Variants in KLF12 observed in about 807,000 individuals in gnomAD.
KLF12 encodes KLF transcription factor 12, also known as Krueppel-like factor 12.
A neutral mutation model predicts 37.8 loss-of-function variants in KLF12; 9 were observed. That is an observed-to-expected ratio of 0.24 (90% CI 0.14 to 0.42). The LOEUF is 0.42. Ranked by LOEUF, KLF12 falls within the 10% of genes least tolerant of loss-of-function variation. The pLI is 1.00. For missense variants in KLF12, 411 were observed against 516.0 expected (o/e 0.80, Z 1.97); for synonymous variants, 208 against 202.1 (o/e 1.03, Z -0.25).
At chr13:74,133,055 C>T (rs541888055) in intron 1 of KLF12, among the ~76,000 whole-genome samples, 75 of 152,268 alleles carry the variant, frequency 4.9e-4, no homozygotes, top group Non-Finnish European at 2.9e-5. Context: ...CCAGGTCCCC[C>T]GTAATTGAAA....
chr13:73,880,905 T>G (rs1446747556), intron 3 of KLF12, among the ~76,000 whole-genome samples: 1 of 152,218 alleles, frequency 6.6e-6, no homozygotes, highest in Admixed American at 6.5e-5. Context: ...CTAGACAATG[T>G]TATTAGCAAA....
At chr13:74,051,899 A>G (rs946387852) in intron 1 of KLF12, among the ~76,000 whole-genome samples, 4 of 152,210 alleles carry the variant, frequency 2.6e-5, no homozygotes, top group Non-Finnish European at 2.9e-5. Flanking sequence ...TGTTCTCCAC[A>G]AAGAAATTAT....
chr13:73,876,484 A>G (rs956032592), intron 3 of KLF12, among the ~76,000 whole-genome samples: 1 of 152,218 alleles, frequency 6.6e-6, no homozygotes, highest in African/African-American at 2.4e-5. Flanking sequence ...CTAATCACAG[A>G]AGTAAAATCC....
At chr13:73,955,616 G>T (rs1890807817) in intron 2 of KLF12, among the ~76,000 whole-genome samples, 1 of 152,156 alleles carries the variant, frequency 6.6e-6, no homozygotes, top group South Asian at 2.1e-4. Context: ...TTCTATATTT[G>T]ACATAGTGCT....
At chr13:74,227,605 T>C in the KLF12 span, among the ~76,000 whole-genome samples, 1 of 152,136 alleles carries the variant, frequency 6.6e-6, no homozygotes, top group Non-Finnish European at 1.5e-5. Flanking sequence ...TTTAACTCTT[T>C]TACCTCCATA....
At chr13:74,176,360 C>T in the KLF12 span, among the ~76,000 whole-genome samples, 2 of 152,142 alleles carry the variant, frequency 1.3e-5, no homozygotes, top group African/African-American at 2.4e-5. Context: ...ATTTGACTGA[C>T]ATTCTTTCTC....
intron 1 of KLF12, among the ~76,000 whole-genome samples, chr13:74,107,112 G>A (rs915332260): frequency 9.2e-5 from 14 of 152,106 alleles, no homozygotes; most frequent in Non-Finnish European, 2.1e-4. Context: ...AAGGGATGTG[G>A]GGGGCTAGGG....
At chr13:74,047,551 C>G (rs1486326364) in intron 1 of KLF12, among the ~76,000 whole-genome samples, 1 of 151,292 alleles carries the variant, frequency 6.6e-6, no homozygotes, top group Non-Finnish European at 1.5e-5. Flanking sequence ...GAGCCGAGAT[C>G]CAGCCACTGC....
At chr13:73,930,305 TAAA>T (rs1889606264) in intron 3 of KLF12, among the ~76,000 whole-genome samples, 1 of 152,198 alleles carries the variant, frequency 6.6e-6, no homozygotes, top group Non-Finnish European at 1.5e-5. Flanking sequence ...TAAACTCTAT[TAAA>T]TAAACTGGCC....
At chr13:74,058,218 C>T (rs1256211376) in intron 1 of KLF12, among the ~76,000 whole-genome samples, 1 of 151,936 alleles carries the variant, frequency 6.6e-6, no homozygotes, top group East Asian at 1.9e-4. Flanking sequence ...CCACCCGCCT[C>T]GGACTCCCAA....
At chr13:74,045,683 A>G (rs1475341876) in intron 1 of KLF12, among the ~76,000 whole-genome samples, 2 of 151,616 alleles carry the variant, frequency 1.3e-5, no homozygotes, top group Non-Finnish European at 2.9e-5. Context: ...TGGAGTTTGC[A>G]TGTTCTCCCA....
intron 5 of KLF12, among the ~76,000 whole-genome samples, chr13:73,782,212 C>G (rs1229848021): frequency 1.3e-5 from 2 of 152,174 alleles, no homozygotes; most frequent in African/African-American, 4.8e-5. Context: ...CCTCAGGTTT[C>G]CTATCTTCAT....
At position 73,869,695 on chromosome 13, in the gene KLF12, A is replaced by G. The variant is rs1594193273; in HGVS notation, c.124-23322T>C. 3.3e-5 allele frequency among the ~76,000 whole-genome samples: 5 copies of G among 152,194 alleles called. No homozygotes were observed. The South Asian group carries it at 1.0e-3, about 32-fold the overall frequency. On this transcript the variant is annotated intron_variant, in intron 3 of 7. Coordinates refer to ENST00000377669, the MANE Select transcript of KLF12 (RefSeq NM_007249.5). ...TATAACATAGTTCCTGGTAACTTGT[A>G]ATTACTCTTTAATAGTTGTTAAATG...
chr13:73,768,920 C>T (rs980548786), intron 5 of KLF12, among the ~76,000 whole-genome samples: 1 of 43,182 alleles, frequency 2.3e-5, no homozygotes, highest in African/African-American at 6.0e-5. Flanking sequence ...ATATATATTC[C>T]CTCCACCCAG....
rs988070651 is a variant in KLF12, at chr13:73,686,986, C to G, written c.*8504G>C. ...GAGAGATTTATTCAAAAGAACATGA[C>G]GTTAGAATTGACCCCCACACACCAA... On this transcript the variant is annotated 3_prime_UTR_variant, in exon 8 of 8. Transcript: ENST00000377669. 1.3e-5 allele frequency: 2 copies of G among 152,174 alleles called. No individual in the cohort carries two copies. Among genetic ancestry groups the G allele is most frequent in the Non-Finnish European group, 2.9e-5 (2 of 67,964 alleles). 9.4% of individuals were successfully genotyped at this position (152,174 alleles called of 1,614,324 possible).
rs545476214 is a variant in KLF12, at chr13:74,009,326, G to A, written c.-31-14273C>T. Among the ~76,000 whole-genome samples the A allele has an allele frequency of 2.6e-5, 4 of 152,316 alleles. No homozygotes were observed. The East Asian group carries it at 7.7e-4, about 29-fold the overall frequency. ...ATCAGGTTATGTGTCAGGCAGTGTG[G>A]TAAGTACTTTATACACATTATGTTA... On this transcript the variant is annotated intron_variant, in intron 1 of 7. Coordinates refer to ENST00000377669, the MANE Select transcript of KLF12 (RefSeq NM_007249.5).
At chr13:73,710,313 T>G (rs185605443) in intron 7 of KLF12, among the ~76,000 whole-genome samples, 4 of 152,116 alleles carry the variant, frequency 2.6e-5, no homozygotes, top group Non-Finnish European at 5.9e-5. Context: ...CTTAACACCA[T>G]TTTTGCATAT....
At chr13:74,049,465 G>C (rs952567048) in intron 1 of KLF12, among the ~76,000 whole-genome samples, 1 of 152,166 alleles carries the variant, frequency 6.6e-6, no homozygotes, top group Non-Finnish European at 1.5e-5. Flanking sequence ...TCAGGAAGCT[G>C]CTTAGTGCCC....
chr13:73,734,454 C>T (rs1194322869), intron 6 of KLF12, among the ~76,000 whole-genome samples: 1 of 151,946 alleles, frequency 6.6e-6, no homozygotes, highest in Admixed American at 6.6e-5. Context: ...AATTTAAGTA[C>T]TAATTATTAA....
Sources: gnomAD v4.1 joint callset for allele counts (sites outside exome capture counted in the v4.1 genomes callset) on GRCh38, gnomAD v4.1.1 for gene constraint, MANE v1.5 for transcripts, NCBI Gene and HGNC (gene_info 2026-07-23, HGNC 2026-07-21) for gene names.